The following SOX5 variants were observed in gnomAD, a reference collection of about 807,000 sequenced individuals.
SOX5 encodes the protein SRY-box transcription factor 5.
In SOX5, 9 loss-of-function variants were observed where a neutral mutation model predicts 92.0. The observed-to-expected ratio is 0.10, with a 90% CI of 0.06 to 0.17. SOX5 has a LOEUF of 0.17. SOX5 is among the 10% of genes least tolerant of loss of function. The probability of loss-of-function intolerance (pLI) is 1.00; values close to 1 mark genes in which losing one functional copy is unlikely to be tolerated. For synonymous variants in SOX5, 344 were observed against 336.3 expected (o/e 1.02, Z -0.25); for missense variants, 642 against 944.5 (o/e 0.68, Z 4.20).
chr12:23,984,789 T>C (rs938066762), intron 4 of SOX5, among the ~76,000 whole-genome samples: 6 of 152,228 alleles, frequency 3.9e-5, no homozygotes, highest in African/African-American at 9.6e-5. Flanking sequence ...TTGCAATAGA[T>C]GTAGCAAACC....
intron 1 of SOX5, among the ~76,000 whole-genome samples, chr12:24,532,843 A>G (rs1951310428): frequency 6.6e-6 from 1 of 152,224 alleles, no homozygotes; most frequent in Non-Finnish European, 1.5e-5. Context: ...GAGGACACTA[A>G]ATGAATCACA....
chr12:24,074,745 A>G (rs1318848312), intron 4 of SOX5, among the ~76,000 whole-genome samples: 5 of 151,674 alleles, frequency 3.3e-5, no homozygotes. Flanking sequence ...CCACTCTTGA[A>G]TTCACTTTCG....
intron 1 of SOX5, among the ~76,000 whole-genome samples, chr12:24,426,421 A>G (rs1244986467): frequency 6.6e-6 from 1 of 152,208 alleles, no homozygotes; most frequent in Non-Finnish European, 1.5e-5. Context: ...TATGTACCAA[A>G]CCTGCACGTT....
intron 4 of SOX5, among the ~76,000 whole-genome samples, chr12:23,992,843 C>T (rs1406818033): frequency 6.6e-6 from 1 of 152,112 alleles, no homozygotes; most frequent in Non-Finnish European, 1.5e-5. Flanking sequence ...TGAGATGGCT[C>T]TATGTCATAG....
intron 1 of SOX5, among the ~76,000 whole-genome samples, chr12:24,444,750 A>G (rs1245615483): frequency 6.6e-6 from 1 of 152,156 alleles, no homozygotes; most frequent in East Asian, 1.9e-4. Flanking sequence ...TAGACAGCCC[A>G]CTGTCTCAGT....
chr12:24,526,990 G>C (rs568692480), intron 1 of SOX5, among the ~76,000 whole-genome samples: 3 of 151,760 alleles, frequency 2.0e-5, no homozygotes, highest in Non-Finnish European at 4.4e-5. Flanking sequence ...TACAGTCTCT[G>C]TATGGTGCCT....
chr12:23,842,754 T>TA (rs2135959027), intron 3 of SOX5, among the ~76,000 whole-genome samples: 1 of 152,232 alleles, frequency 6.6e-6, no homozygotes, highest in South Asian at 2.1e-4. Flanking sequence ...CATACTGATG[T>TA]AAAAAATGAT....
chr12:23,630,985 G>A (rs1479089208), intron 8 of SOX5, among the ~76,000 whole-genome samples: 2 of 151,856 alleles, frequency 1.3e-5, no homozygotes, highest in Non-Finnish European at 2.9e-5. Context: ...ACATAATTAA[G>A]TACATTTTTC....
At chr12:23,567,315 C>T (rs1292294588) in intron 10 of SOX5, among the ~76,000 whole-genome samples, 1 of 152,036 alleles carries the variant, frequency 6.6e-6, no homozygotes, top group East Asian at 1.9e-4. Flanking sequence ...TGGTGAACCT[C>T]AGTCTTAAGA....
intron 4 of SOX5, among the ~76,000 whole-genome samples, chr12:24,017,576 G>A (rs2136631911): frequency 6.6e-6 from 1 of 151,776 alleles, no homozygotes; most frequent in East Asian, 1.9e-4. Flanking sequence ...CTCCAGCCTG[G>A]GTGACAGAGT....
intron 3 of SOX5, among the ~76,000 whole-genome samples, chr12:23,791,861 A>T (rs1186268621): frequency 3.3e-5 from 5 of 152,032 alleles, no homozygotes; most frequent in East Asian, 2.0e-4. Flanking sequence ...TTTCAAATAA[A>T]GTATTTGAAA....
upstream of SOX5, among the ~76,000 whole-genome samples, chr12:23,955,040 CTT>C (rs922160704): frequency 1.3e-5 from 2 of 152,062 alleles, no homozygotes; most frequent in Non-Finnish European, 2.9e-5. Context: ...GATATGTAGA[CTT>C]ATCCCAATTA....
rs182896944 is a variant in SOX5 at position 24,040,781 on chromosome 12, G to A, written c.-1-144757C>T. Among the ~76,000 whole-genome samples, 17 of 152,304 alleles carry A rather than the reference G, an allele frequency of 1.1e-4. No individual in the cohort carries two copies. The East Asian group carries it at 3.3e-3, about 29-fold the overall frequency. On this transcript the variant is annotated intron_variant, in intron 4 of 4. Transcript: ENST00000446891. The stretch of plus-strand genomic sequence containing the variant: ...CCAGTTCCTCGGGAGGCTGAGGCAG[G>A]AGAATGGCGTACACCTGGGAGGCGG...
rs143222126 is a variant in SOX5, at chr12:24,295,925, A to G, written c.-173-18613T>C. 2.2e-3 allele frequency among the ~76,000 whole-genome samples: 342 copies of G among 152,264 alleles called. 1 individual carries two copies. The highest frequency in any genetic ancestry group is 8.0e-3 in the African/African-American group (332 of 41,560). On this transcript the variant is annotated intron_variant, in intron 2 of 4. Coordinates refer to the SOX5 transcript ENST00000446891. ...GTATCTAATATGCTGCCTATAGACT[A>G]TATGAATCAGGACCTGTGTGCGGTA...
At chr12:24,448,106 C>T (rs548179053) in intron 1 of SOX5, among the ~76,000 whole-genome samples, 3 of 151,970 alleles carry the variant, frequency 2.0e-5, no homozygotes, top group South Asian at 2.1e-4. Flanking sequence ...TGCTTGAACC[C>T]GAGGGGCAGA....
chr12:24,453,435 T>C (rs1295780875), intron 1 of SOX5, among the ~76,000 whole-genome samples: 2 of 152,202 alleles, frequency 1.3e-5, no homozygotes, highest in Admixed American at 1.3e-4. Flanking sequence ...TTAGGTAAAA[T>C]ACCTACACCA....
chr12:24,506,418 A>AAGAG (rs559214768), intron 1 of SOX5, among the ~76,000 whole-genome samples: 87,715 of 146,436 alleles, frequency 0.6, 26,802 homozygotes, highest in East Asian at 0.96. Context: ...AAAAAAAAAA[A>AAGAG]AGAGAGAGAG....
intron 4 of SOX5, among the ~76,000 whole-genome samples, chr12:24,135,399 C>T (rs1220794057): frequency 1.3e-5 from 2 of 152,180 alleles, no homozygotes; most frequent in African/African-American, 2.4e-5. Flanking sequence ...AATTCCCTCC[C>T]TTACTAAGTC....
At chr12:24,193,309 T>C (rs1056499027) in intron 4 of SOX5, among the ~76,000 whole-genome samples, 11 of 152,186 alleles carry the variant, frequency 7.2e-5, no homozygotes, top group Admixed American at 6.5e-5. Flanking sequence ...TGACTACAAA[T>C]GGCTAGAACC....
Sources: allele counts gnomAD v4.1 joint callset (sites outside exome capture counted in the v4.1 genomes callset), GRCh38; gene constraint gnomAD v4.1.1; transcripts MANE v1.5; gene names NCBI Gene and HGNC (gene_info 2026-07-23, HGNC 2026-07-21).